Variants in FRMD5 observed in about 807,000 individuals in gnomAD.
FRMD5 encodes FERM domain-containing protein 5.
A neutral mutation model predicts 69.0 loss-of-function variants in FRMD5; 20 were observed. The observed-to-expected ratio is 0.29, with a 90% confidence interval of 0.20 to 0.42. FRMD5 has a LOEUF of 0.42. FRMD5 is among the 10% of genes least tolerant of loss of function. The pLI is 1.00. For missense variants in FRMD5, 595 were observed against 708.6 expected (o/e 0.84, Z 1.82); for synonymous variants, 271 against 260.1 (o/e 1.04, Z -0.40).
In FRMD5 at chr15:44,195,030, T is replaced by C; in HGVS notation, c.25A>G (p.Ser9Gly). 6.4e-7 allele frequency: 1 copy of C among 1,553,734 alleles called. No homozygotes were observed. The highest frequency in any genetic ancestry group is 8.7e-7 in the Non-Finnish European group (1 of 1,154,820). MLSRLMSG[S>G]SRSLEREYSC... ...TACTCGCGCTCCAGGCTCCTGCTGC[T>C]GCCGCTCATCAACCTGCTCAGCATC... Residue 9 changes from serine to glycine, a missense_variant, in exon 1 of 14, where the codon AGC (serine) becomes GGC (glycine). By Grantham distance (56) the Ser-to-Gly change is moderately conservative. Transcript: ENST00000417257.
At chr15:44,010,571 G>C (rs1890672175) in intron 1 of FRMD5, among the ~76,000 whole-genome samples, 2 of 151,976 alleles carry the variant, frequency 1.3e-5, no homozygotes, top group Non-Finnish European at 2.9e-5. Context: ...TTTTAGTAGA[G>C]ACAGGGTTTC....
At chr15:44,023,332 G>A (rs1222401965) in intron 1 of FRMD5, among the ~76,000 whole-genome samples, 1 of 152,130 alleles carries the variant, frequency 6.6e-6, no homozygotes, top group East Asian at 1.9e-4. Context: ...CCTGACATAG[G>A]AGTCCTAAGC....
chr15:43,936,062 A>C (rs1246747826), intron 1 of FRMD5, among the ~76,000 whole-genome samples: 1 of 152,186 alleles, frequency 6.6e-6, no homozygotes, highest in African/African-American at 2.4e-5. Flanking sequence ...TCCTAATGCT[A>C]ACCTTCCCAT....
chr15:43,953,065 C>T (rs1388851035), intron 1 of FRMD5, among the ~76,000 whole-genome samples: 1 of 152,206 alleles, frequency 6.6e-6, no homozygotes, highest in Admixed American at 6.5e-5. Context: ...ATGACTTTTT[C>T]TCTACTGGTA....
intron 1 of FRMD5, among the ~76,000 whole-genome samples, chr15:43,938,231 CAA>C (rs775430626): frequency 1.2e-4 from 8 of 65,164 alleles, no homozygotes; most frequent in Admixed American, 1.6e-4. Context: ...GACTCCGTCT[CAA>C]AAAAAAAAAA....
chr15:44,125,922 C>T (rs968596686), intron 1 of FRMD5, among the ~76,000 whole-genome samples: 3 of 152,072 alleles, frequency 2.0e-5, no homozygotes, highest in Non-Finnish European at 4.4e-5. Context: ...TAGCCTTTTC[C>T]GAGTCTATCT....
intron 1 of FRMD5, among the ~76,000 whole-genome samples, chr15:44,051,142 T>C (rs1254891698): frequency 9.5e-6 from 1 of 104,912 alleles, no homozygotes; most frequent in African/African-American, 4.4e-5. Context: ...TCAGTCACTT[T>C]TTTTTTTTTT....
At chr15:44,031,254 GA>G (rs886585475) in intron 1 of FRMD5, among the ~76,000 whole-genome samples, 2 of 151,712 alleles carry the variant, frequency 1.3e-5, no homozygotes, top group East Asian at 1.9e-4. Context: ...CCACAGGGGA[GA>G]AAAAAAAGCC....
rs397961745 is a variant in FRMD5, at chr15:44,120,533, A to ATTTTT, written c.102+74415_102+74419dup. 1.4e-4 allele frequency among the ~76,000 whole-genome samples: 19 copies of ATTTTT among 137,820 alleles called. 7 individuals carry two copies. Among genetic ancestry groups the ATTTTT allele is most frequent in the East Asian group, 4.4e-4 (2 of 4,566 alleles). 90.4% of individuals were successfully genotyped at this position (137,820 alleles called of 152,430 possible). ...AAGTAGGGATTATTGGGAAGAGTGGATTTTTTTTTTTTTTTTTTGAGACGG... is the reference window on the plus strand; with the variant it reads ...AAGTAGGGATTATTGGGAAGAGTGGATTTTTTTTTTTTTTTTTTTTTTTGAGACGG... On this transcript the variant is annotated intron_variant, in intron 1 of 13. Transcript: ENST00000417257.
At chr15:43,890,679 C>A (rs111917019) in intron 8 of FRMD5, among the ~76,000 whole-genome samples, 4,182 of 152,218 alleles carry the variant, frequency 0.027, 200 homozygotes, top group African/African-American at 0.096. Context: ...TGAAGTGGGC[C>A]GACTTGAGGA....
chr15:44,167,946 A>G (rs1017503668), intron 1 of FRMD5, among the ~76,000 whole-genome samples: 3 of 152,222 alleles, frequency 2.0e-5, no homozygotes, highest in Non-Finnish European at 1.5e-5. Context: ...TCCATATTCA[A>G]CAAAGCAGAA....
intron 1 of FRMD5, among the ~76,000 whole-genome samples, chr15:43,946,691 T>G (rs2140500530): frequency 6.6e-6 from 1 of 152,290 alleles, no homozygotes; most frequent in East Asian, 1.9e-4. Flanking sequence ...AGAAGTTTAA[T>G]GAAAGAGTTC....
At chr15:44,145,549 T>C (rs1419725608) in intron 1 of FRMD5, among the ~76,000 whole-genome samples, 2 of 152,306 alleles carry the variant, frequency 1.3e-5, no homozygotes, top group Non-Finnish European at 2.9e-5. Context: ...AGATTAAACA[T>C]ACATTTCAAA....
At chr15:43,931,145 T>C (rs1314028032) in intron 1 of FRMD5, among the ~76,000 whole-genome samples, 5 of 152,214 alleles carry the variant, frequency 3.3e-5, no homozygotes, top group African/African-American at 9.6e-5. Flanking sequence ...AACTCGTTCA[T>C]CTTTCTTATC....
intron 1 of FRMD5, among the ~76,000 whole-genome samples, chr15:44,104,393 A>G (rs373149097): frequency 6.6e-6 from 1 of 152,206 alleles, no homozygotes; most frequent in Non-Finnish European, 1.5e-5. Context: ...GTGTAGCTTA[A>G]GTGTACAGTG....
intron 1 of FRMD5, among the ~76,000 whole-genome samples, chr15:44,072,703 T>A (rs4924737): frequency 0.9 from 137,288 of 152,244 alleles, 62,443 homozygotes; most frequent in East Asian, 1. Context: ...AAAGAAACTC[T>A]TTCAACTAAT....
At chr15:44,035,076 T>C (rs2140296103) in intron 1 of FRMD5, among the ~76,000 whole-genome samples, 2 of 152,308 alleles carry the variant, frequency 1.3e-5, no homozygotes, top group East Asian at 3.9e-4. Flanking sequence ...CCTGGTACTA[T>C]ATTTAAAATT....
At chr15:44,051,845 G>A (rs1036029329) in intron 1 of FRMD5, among the ~76,000 whole-genome samples, 1 of 152,168 alleles carries the variant, frequency 6.6e-6, no homozygotes, top group Non-Finnish European at 1.5e-5. Flanking sequence ...TAGGGAGGAA[G>A]AACTACAGAG....
At chr15:43,984,668 A>G (rs957684572) in intron 1 of FRMD5, among the ~76,000 whole-genome samples, 1 of 152,208 alleles carries the variant, frequency 6.6e-6, no homozygotes, top group African/African-American at 2.4e-5. Flanking sequence ...TGTATCCCAC[A>G]GGATGGAAAT....
Sources: gnomAD v4.1 joint callset for allele counts (sites outside exome capture counted in the v4.1 genomes callset) on GRCh38, gnomAD v4.1.1 for gene constraint, MANE v1.5 for transcripts, NCBI Gene and HGNC (gene_info 2026-07-23, HGNC 2026-07-21) for gene names.